The following LRRFIP1 variants were observed in gnomAD, a reference collection of about 807,000 sequenced individuals.
LRRFIP1 encodes the protein LRR binding FLII interacting protein 1, also known as leucine-rich repeat flightless-interacting protein 1.
In LRRFIP1, 62 loss-of-function variants were observed where a neutral mutation model predicts 104.4. That is an observed-to-expected ratio of 0.59 (90% CI 0.48 to 0.73). The LOEUF (loss-of-function observed/expected upper bound fraction) is 0.73, where lower values mean the gene tolerates loss of function less well. LRRFIP1 is among the 30% of genes least tolerant of loss of function. LRRFIP1 has a pLI of 0.00. For missense variants in LRRFIP1, 796 were observed against 824.5 expected (o/e 0.97, Z 0.42); for synonymous variants, 300 against 299.0 (o/e 1.00, Z -0.03).
chr2:237,657,453 A>G (rs556644879), intron 1 of LRRFIP1, among the ~76,000 whole-genome samples: 1 of 152,314 alleles, frequency 6.6e-6, no homozygotes, highest in African/African-American at 2.4e-5. Flanking sequence ...GTGTTTTCAG[A>G]TGGCCATGAT....
chr2:237,751,073 T>C, intron 13 of LRRFIP1, 127 bp from the exon 14 acceptor site: 1 of 616,462 alleles, frequency 1.6e-6, no homozygotes, highest in South Asian at 2.2e-5. Flanking sequence ...CCCTTAACGC[T>C]TAATAAAATA....
intron 17 of LRRFIP1, among the ~76,000 whole-genome samples, chr2:237,757,753 C>T (rs1330671444): frequency 6.6e-6 from 1 of 152,044 alleles, no homozygotes. Flanking sequence ...GATTGTGACA[C>T]GGACTCTCCA....
Position 237,751,288 on chromosome 2 carries a change from G to A in LRRFIP1, c.867+17G>A, listed in dbSNP as rs192705285. ...GAGATGAAGGTACCAATTCACAGACGTGTGGTCTCACGATATTAACCCAAC... is the reference window on the plus strand; with the variant it reads ...GAGATGAAGGTACCAATTCACAGACATGTGGTCTCACGATATTAACCCAAC... On this transcript the variant is annotated intron_variant, in intron 14 of 23. Coordinates refer to ENST00000308482, the MANE Select transcript of LRRFIP1 (RefSeq NM_001137550.2). The A allele has an allele frequency of 1.2e-5, 19 of 1,582,938 alleles. No individual in the cohort carries two copies. Among genetic ancestry groups the A allele is most frequent in the Admixed American group, 8.9e-5 (5 of 56,422 alleles).
At chr2:237,743,596 A>G (rs56305830) in intron 11 of LRRFIP1, among the ~76,000 whole-genome samples, 9,806 of 152,100 alleles carry the variant, frequency 0.064, 423 homozygotes, top group Middle Eastern at 0.13. Flanking sequence ...TGAGGAAGTT[A>G]TTTCACTCAT....
chr2:237,723,661 C>T (rs1239685133), intron 7 of LRRFIP1, 75 bp downstream of exon 7: 12 of 1,557,660 alleles, frequency 7.7e-6, no homozygotes, highest in Admixed American at 3.3e-5. Flanking sequence ...GGTATTTCCA[C>T]GAATCTCATG....
At chr2:237,779,199 G>A (rs1351749895) in intron 23 of LRRFIP1, 8 of 292,214 alleles carry the variant, frequency 2.7e-5, no homozygotes, top group Non-Finnish European at 4.1e-5. Flanking sequence ...GGGCGACTGA[G>A]CGAGATTCCA....
At chr2:237,700,520 C>T (rs777801612) in intron 1 of LRRFIP1, among the ~76,000 whole-genome samples, 21 of 152,180 alleles carry the variant, frequency 1.4e-4, no homozygotes, top group Admixed American at 3.9e-4. Context: ...CTCTGCTTGA[C>T]GCTAAAACCT....
intron 1 of LRRFIP1, among the ~76,000 whole-genome samples, chr2:237,704,552 G>C (rs1405602114): frequency 3.3e-5 from 5 of 152,164 alleles, no homozygotes; most frequent in African/African-American, 4.8e-5. Context: ...TCATGCATAG[G>C]TTTTGTGCCA....
intron 3 of LRRFIP1, among the ~76,000 whole-genome samples, chr2:237,716,542 G>A (rs1336953860): frequency 6.6e-6 from 1 of 152,098 alleles, no homozygotes; most frequent in Non-Finnish European, 1.5e-5. Flanking sequence ...TTTAAATCTG[G>A]CCGCCCTTCG....
At chr2:237,666,946 TTTTCTTTC>T (rs1190229220) in intron 1 of LRRFIP1, among the ~76,000 whole-genome samples, 2 of 124,216 alleles carry the variant, frequency 1.6e-5, no homozygotes, top group East Asian at 2.5e-4. Flanking sequence ...CTTTCTTTCT[TTTTCTTTC>T]TTTCTTTCTT....
chr2:237,719,940 CTTTTTTTTTTTTT>C (rs57355213), intron 5 of LRRFIP1, among the ~76,000 whole-genome samples: 2 of 103,974 alleles, frequency 1.9e-5, no homozygotes, highest in Non-Finnish European at 3.8e-5. Context: ...GATGAAATTA[CTTTTTTTTTTTTT>C]TTTTTTTTTT....
intron 23 of LRRFIP1, among the ~76,000 whole-genome samples, chr2:237,776,118 G>A (rs1286788325): frequency 1.3e-5 from 2 of 151,978 alleles, no homozygotes; most frequent in African/African-American, 4.8e-5. Flanking sequence ...CCACCATCAT[G>A]CCTGGCTAAT....
chr2:237,731,323 C>A (rs2094998674), intron 8 of LRRFIP1, among the ~76,000 whole-genome samples: 1 of 152,090 alleles, frequency 6.6e-6, no homozygotes, highest in Non-Finnish European at 1.5e-5. Flanking sequence ...TTTTTCTTGC[C>A]AGGGCACTTC....
At chr2:237,769,859 G>A in intron 19 of LRRFIP1, 84 bp from the exon 20 acceptor site, 2 of 1,001,830 alleles carry the variant, frequency 2.0e-6, no homozygotes, top group Non-Finnish European at 3.1e-6. Context: ...TCACTAACCT[G>A]AACGATCATT....
At chr2:237,758,123 C>CT (rs1171135499) in intron 17 of LRRFIP1, among the ~76,000 whole-genome samples, 3 of 152,064 alleles carry the variant, frequency 2.0e-5, no homozygotes. Flanking sequence ...GTGATTCCTA[C>CT]ACATAGCTCT....
rs920380017 is a variant in LRRFIP1, at chr2:237,772,082, T to G, written c.1511T>G (p.Ile504Ser). The G allele has an allele frequency of 6.2e-7, 1 of 1,607,470 alleles. No homozygotes were observed. The highest frequency in any genetic ancestry group is 8.5e-7 in the Non-Finnish European group (1 of 1,175,726). ...GATTTTACTGGCGGGTGTTTTCAGA[T>G]TAAGAAACTCAAAGGGCAGCTGGAG... ...VDERECLLEQ[I>S]KKLKGQLEER... Residue 504 changes from isoleucine (I) to serine (S), a missense_variant and splice_region_variant, in exon 21 of 24, where the codon ATT becomes AGT. By Grantham distance (142) the Ile-to-Ser change is moderately radical. Coordinates refer to ENST00000308482, the MANE Select transcript of LRRFIP1 (RefSeq NM_001137550.2).
intron 13 of LRRFIP1, among the ~76,000 whole-genome samples, chr2:237,750,451 C>A (rs2058477492): frequency 6.6e-6 from 1 of 151,066 alleles, no homozygotes; most frequent in Non-Finnish European, 1.5e-5. Flanking sequence ...ATTCTCCAGC[C>A]TCAGCCTCCT....
intron 1 of LRRFIP1, among the ~76,000 whole-genome samples, chr2:237,669,782 A>C (rs1447771559): frequency 6.6e-6 from 1 of 152,152 alleles, no homozygotes; most frequent in Non-Finnish European, 1.5e-5. Flanking sequence ...CGGTGTCATT[A>C]AACATGGACC....
rs557858236 is a variant in LRRFIP1, at chr2:237,731,933, C to G, written c.445-1841C>G. 2.0e-4 allele frequency among the ~76,000 whole-genome samples: 30 copies of G among 152,248 alleles called. 1 individual carries two copies. The South Asian group carries it at 6.2e-3, about 32-fold the overall frequency. On this transcript the variant is annotated intron_variant, in intron 8 of 23. Coordinates refer to ENST00000308482, the MANE Select transcript of LRRFIP1 (RefSeq NM_001137550.2). ...TCAGAACCTTCCTGGAAATTGTGCTCTGTAGACATCTATTGCTGCCCAGTA... is the reference window on the plus strand; with the variant it reads ...TCAGAACCTTCCTGGAAATTGTGCTGTGTAGACATCTATTGCTGCCCAGTA...
Sources: allele counts gnomAD v4.1 joint callset (sites outside exome capture counted in the v4.1 genomes callset), GRCh38; gene constraint gnomAD v4.1.1; transcripts MANE v1.5; gene names NCBI Gene and HGNC (gene_info 2026-07-23, HGNC 2026-07-21).